WARS1: variants seen among roughly 807,000 people sequenced by gnomAD.
WARS1 encodes the protein tryptophan--tRNA ligase, cytoplasmic.
In WARS1, 17 loss-of-function variants were observed where a neutral mutation model predicts 47.8. The ratio of observed to expected loss-of-function variants is 0.36; its 90% CI spans 0.24 to 0.53. The LOEUF is 0.53. Ranked by LOEUF, WARS1 falls within the 20% of genes least tolerant of loss-of-function variation. The probability of loss-of-function intolerance (pLI) is 0.91; values close to 1 mark genes in which losing one functional copy is unlikely to be tolerated. For synonymous variants in WARS1, 208 were observed against 228.1 expected, an observed-to-expected ratio of 0.91 and a Z score of 0.79; for missense variants, 434 against 608.0, an observed-to-expected ratio of 0.71 and a Z score of 3.01.
intron 6 of WARS1, among the ~76,000 whole-genome samples, chr14:100,349,609 A>C (rs1388707089): frequency 6.6e-6 from 1 of 152,230 alleles, no homozygotes; most frequent in Non-Finnish European, 1.5e-5. Context: ...AGGAACATGG[A>C]AGCTCAGAGA....
At chr14:100,350,162 G>A (rs946203201) in intron 6 of WARS1, among the ~76,000 whole-genome samples, 1 of 93,098 alleles carries the variant, frequency 1.1e-5, no homozygotes, top group Non-Finnish European at 2.2e-5. Flanking sequence ...TTGGGTGGTC[G>A]AGGCGGGTGG....
At chr14:100,368,252 A>G in intron 2 of WARS1, 1 of 347,966 alleles carries the variant, frequency 2.9e-6, no homozygotes, top group Non-Finnish European at 5.7e-6. Flanking sequence ...ATTAAGACAA[A>G]TATTAACTCC....
rs1272311430 is a variant in WARS1, at chr14:100,345,078, C to A, written c.826+1668G>T. On this transcript the variant is annotated intron_variant, in intron 7 of 10. Coordinates refer to ENST00000392882, the MANE Select transcript of WARS1 (RefSeq NM_004184.4). ...GGTCAGCCCCCCGCCCGGCCAGCCG[C>A]CCCGTCCGGGAGGTGAGGGGCGCCT... Among the ~76,000 whole-genome samples the A allele has an allele frequency of 2.5e-4, 38 of 150,410 alleles. 1 individual carries two copies. Among genetic ancestry groups the A allele is most frequent in the African/African-American group, 7.5e-4 (31 of 41,076 alleles).
intron 2 of WARS1, chr14:100,365,400 C>A (rs771161699): frequency 1.5e-5 from 3 of 204,902 alleles, no homozygotes; most frequent in South Asian, 5.1e-5. Context: ...GCCAACATGG[C>A]AAGACCCCCT....
intron 9 of WARS1, among the ~76,000 whole-genome samples, chr14:100,339,563 C>A (rs1473063707): frequency 8.0e-6 from 1 of 124,828 alleles, no homozygotes; most frequent in Non-Finnish European, 1.6e-5. Context: ...TGCACTCCAG[C>A]CTGGGCGACA....
At chr14:100,343,462 A>C in intron 7 of WARS1, 75 bp from the exon 8 acceptor site, 1 of 1,115,656 alleles carries the variant, frequency 9.0e-7, no homozygotes, top group Non-Finnish European at 1.3e-6. Context: ...AATGAACAAA[A>C]ACAGGTTTTC....
intron 6 of WARS1, chr14:100,352,813 G>A (rs1895080413): frequency 6.6e-6 from 1 of 152,224 alleles, no homozygotes; most frequent in South Asian, 2.1e-4. Flanking sequence ...TATCCTTCTT[G>A]TGATGGTTGA....
At chr14:100,335,060 T>C in intron 10 of WARS1, 24 bp from the exon 11 acceptor site, 1 of 1,608,912 alleles carries the variant, frequency 6.2e-7, no homozygotes, top group East Asian at 2.2e-5. Context: ...GACAGCCACG[T>C]GAGAGATGGC....
intron 4 of WARS1, among the ~76,000 whole-genome samples, chr14:100,357,372 T>C (rs1252716332): frequency 6.6e-6 from 1 of 151,884 alleles, no homozygotes; most frequent in Non-Finnish European, 1.5e-5. Flanking sequence ...ATGTAGGAAA[T>C]CCTATCGAAT....
At chr14:100,354,005 G>A in intron 5 of WARS1, 136 bp from the exon 6 acceptor site, 1 of 776,414 alleles carries the variant, frequency 1.3e-6, no homozygotes, top group Non-Finnish European at 2.0e-6. Context: ...TTTGAATTGT[G>A]ATATGAATTT....
intron 4 of WARS1, among the ~76,000 whole-genome samples, chr14:100,359,923 G>C (rs10438234): frequency 0.75 from 114,292 of 152,092 alleles, 43,537 homozygotes; most frequent in East Asian, 0.87. Context: ...TCTCCTGTAA[G>C]CGTGAAGTGC....
intron 3 of WARS1, 112 bp downstream of exon 3, chr14:100,361,596 A>G: frequency 9.1e-7 from 1 of 1,104,160 alleles, no homozygotes; most frequent in Non-Finnish European, 1.3e-6. Flanking sequence ...TTGGCATTGA[A>G]GCTTCACTGA....
chr14:100,339,401 C>T (rs966308323), intron 9 of WARS1, among the ~76,000 whole-genome samples: 3 of 151,988 alleles, frequency 2.0e-5, no homozygotes, highest in Admixed American at 6.6e-5. Context: ...ACCATCCTGG[C>T]TAACACGGTG....
At chr14:100,375,363 A>C (rs7143006), upstream of WARS1, 14 of 152,118 alleles carry the variant, frequency 9.2e-5, no homozygotes, top group Non-Finnish European at 1.8e-4. Flanking sequence ...GCCCAGCCAG[A>C]AATGGTCTTT....
In WARS1 at chr14:100,343,300, C is replaced by T; in HGVS notation, c.914G>A (p.Cys305Tyr). 5 of 1,613,070 alleles carry T rather than the reference C, an allele frequency of 3.1e-6. No homozygotes were observed. The highest frequency in any genetic ancestry group is 4.2e-6 in the Non-Finnish European group (5 of 1,179,310). The part of the protein sequence containing the change: ...QIFRDRTDIQ[C>Y]LIPCAIDQDP... The stretch of plus-strand genomic sequence containing the variant: ...CTGGTCAATGGCACATGGGATAAGG[C>T]ACTGGATATCCGTCCTGTCTCGGAA... Residue 305 changes from cysteine (C) to tyrosine (Y), a missense_variant, in exon 8 of 11, where the codon TGC (cysteine) becomes TAC (tyrosine). Physicochemically the swap from Cys to Tyr is radical, Grantham distance 194. This residue lies in a region of WARS1 where 347 missense variants were observed against 523.8 expected (regional missense o/e 0.66). Transcript: ENST00000392882.
Position 100,369,730 on chromosome 14 carries a change from T to C in WARS1, c.-73-472A>G, listed in dbSNP as rs182245936. 1.5e-3 allele frequency among the ~76,000 whole-genome samples: 230 copies of C among 150,718 alleles called. 5 individuals are homozygous for C. The South Asian group carries it at 0.046, about 30-fold the overall frequency. ...TCTCGCTCTGCCACCCAGGCTGGAG[T>C]GCAATGGTGTGATCTTGGCTCACTG... On this transcript the variant is annotated intron_variant, in intron 1 of 10. Coordinates refer to ENST00000392882, the MANE Select transcript of WARS1 (RefSeq NM_004184.4).
chr14:100,345,533 G>A (rs906000733), intron 7 of WARS1, among the ~76,000 whole-genome samples: 4 of 151,664 alleles, frequency 2.6e-5, no homozygotes, highest in African/African-American at 7.3e-5. Context: ...GCGGAAGGCC[G>A]CAGGGTCCTC....
chr14:100,346,850 C>A lies in WARS1; in HGVS notation c.726-4G>T. 6.2e-7 allele frequency: 1 copy of A among 1,611,514 alleles called. No homozygotes were observed. The highest frequency in any genetic ancestry group is 8.5e-7 in the Non-Finnish European group (1 of 1,177,848). The stretch of plus-strand genomic sequence containing the variant: ...TTTGTAGAAACCTGAGCTCATCCTG[C>A]AAAGACAACGAGAATGAAATCCCAA... On this transcript the variant is annotated splice_region_variant and splice_polypyrimidine_tract_variant and intron_variant, in intron 6 of 10. Coordinates refer to ENST00000392882, the MANE Select transcript of WARS1 (RefSeq NM_004184.4).
chr14:100,356,613 C>T (rs1895341923), intron 4 of WARS1, among the ~76,000 whole-genome samples: 1 of 152,008 alleles, frequency 6.6e-6, no homozygotes, highest in African/African-American at 2.4e-5. Context: ...AGAAAATATA[C>T]ACAGATCTGG....
Sources: gnomAD v4.1 joint callset for allele counts (sites outside exome capture counted in the v4.1 genomes callset) on GRCh38, gnomAD v4.1.1 for gene constraint, gnomAD v4.1.1 regional missense constraint, MANE v1.5 for transcripts, NCBI Gene and HGNC (gene_info 2026-07-23, HGNC 2026-07-21) for gene names.